The following RGS17 variants were observed in gnomAD, a reference collection of about 807,000 sequenced individuals.
RGS17 encodes the protein regulator of G-protein signaling 17.
A neutral mutation model predicts 25.5 loss-of-function variants in RGS17; 12 were observed. The observed-to-expected ratio is 0.47, with a 90% CI of 0.30 to 0.76. The LOEUF (loss-of-function observed/expected upper bound fraction) is 0.76, where lower values mean the gene tolerates loss of function less well. Ranked by LOEUF, RGS17 falls within the 30% of genes least tolerant of loss-of-function variation. The pLI is 0.07. For missense variants in RGS17, 196 were observed against 242.2 expected (o/e 0.81, Z 1.27); for synonymous variants, 71 against 76.9 (o/e 0.92, Z 0.40).
chr6:153,081,148 T>C (rs955436474), intron 1 of RGS17, among the ~76,000 whole-genome samples: 4 of 152,164 alleles, frequency 2.6e-5, no homozygotes, highest in African/African-American at 9.6e-5. Flanking sequence ...TTCTTTATCC[T>C]TTCTCTAGCC....
At chr6:153,092,436 C>T (rs1027726244) in intron 1 of RGS17, among the ~76,000 whole-genome samples, 5 of 152,280 alleles carry the variant, frequency 3.3e-5, no homozygotes, top group Non-Finnish European at 4.4e-5. Context: ...CTCTAGGAAA[C>T]TACAGTATTT....
intron 1 of RGS17, among the ~76,000 whole-genome samples, chr6:153,055,964 A>G (rs553281045): frequency 6.6e-6 from 1 of 152,346 alleles, no homozygotes; most frequent in East Asian, 1.9e-4. Flanking sequence ...GGATAAATGT[A>G]AGGATATGAA....
intron 2 of RGS17, among the ~76,000 whole-genome samples, chr6:153,036,979 T>A (rs1776252979): frequency 6.6e-6 from 1 of 152,142 alleles, no homozygotes; most frequent in South Asian, 2.1e-4. Flanking sequence ...ACCCTTCAAT[T>A]GCTTCCCATC....
At position 153,053,961 on chromosome 6, in the gene RGS17, T is replaced by TA. The variant is rs1554238185; in HGVS notation, c.-25-9919_-25-9918insT. Among the ~76,000 whole-genome samples, 29 of 28,016 alleles carry TA rather than the reference T, an allele frequency of 1.0e-3. 1 individual carries two copies. Among genetic ancestry groups the TA allele is most frequent in the Non-Finnish European group, 2.0e-3 (22 of 11,040 alleles). 18.4% of individuals were successfully genotyped at this position (28,016 alleles called of 152,430 possible). A position where few individuals can be genotyped will look rare whatever the true frequency, so the allele number is the denominator to read the frequency against. ...TATATATAATATATATACATATATA[T>TA]TATATACATATATATGTATATATGT... is the stretch of plus-strand genomic sequence containing the variant. On this transcript the variant is annotated intron_variant, in intron 1 of 4. Coordinates refer to ENST00000206262, the MANE Select transcript of RGS17 (RefSeq NM_012419.5).
chr6:153,070,755 G>A (rs1776781516), intron 1 of RGS17, among the ~76,000 whole-genome samples: 1 of 150,724 alleles, frequency 6.6e-6, no homozygotes, highest in Non-Finnish European at 1.5e-5. Flanking sequence ...ACGTATATGT[G>A]TGTATGTATA....
chr6:153,011,500 C>T lies in RGS17; in HGVS notation c.*74G>A. The stretch of plus-strand genomic sequence containing the variant: ...ATGCTAAACTGTAGTTCTCCAGGAA[C>T]TCAGTTTCTGATGTTATTTAACTAC... On this transcript the variant is annotated 3_prime_UTR_variant, in exon 5 of 5. Transcript: ENST00000206262. 2.9e-6 allele frequency: 3 copies of T among 1,023,186 alleles called. No homozygotes were observed. Among genetic ancestry groups the T allele is most frequent in the Non-Finnish European group, 4.5e-6 (3 of 674,016 alleles). The allele number at this position is 1,023,186 out of a possible 1,614,324, so 63.4% of individuals were successfully genotyped here.
At chr6:153,056,838 CTGTGTGTGTGTG>C (rs59058708) in intron 1 of RGS17, among the ~76,000 whole-genome samples, 35,002 of 144,324 alleles carry the variant, frequency 0.24, 4,106 homozygotes, top group East Asian at 0.34. Context: ...AGAGGAAGGG[CTGTGTGTGTGTG>C]TGTGTGTGTG....
chr6:153,044,888 G>A (rs1209729169), intron 1 of RGS17, among the ~76,000 whole-genome samples: 1 of 152,076 alleles, frequency 6.6e-6, no homozygotes, highest in African/African-American at 2.4e-5. Context: ...AAAATAAAAA[G>A]TTTTGTCTTT....
intron 3 of RGS17, among the ~76,000 whole-genome samples, chr6:153,025,662 A>G (rs571870346): frequency 0.018 from 2,185 of 119,664 alleles, 48 homozygotes; most frequent in African/African-American, 0.066. Context: ...ATATAAAAAC[A>G]TATATATATA....
At chr6:153,115,095 G>T (rs1241815831) in intron 1 of RGS17, among the ~76,000 whole-genome samples, 4 of 151,856 alleles carry the variant, frequency 2.6e-5, no homozygotes, top group Admixed American at 1.3e-4. Flanking sequence ...CCAGGCAAGA[G>T]AAAAAAAATA....
At chr6:153,048,664 A>C (rs1433441600) in intron 1 of RGS17, among the ~76,000 whole-genome samples, 1 of 152,212 alleles carries the variant, frequency 6.6e-6, no homozygotes, top group East Asian at 1.9e-4. Flanking sequence ...TTACGTGTCA[A>C]GACCTTTGCA....
At chr6:153,094,634 G>A (rs1219459596) in intron 1 of RGS17, among the ~76,000 whole-genome samples, 1 of 152,098 alleles carries the variant, frequency 6.6e-6, no homozygotes, top group Admixed American at 6.5e-5. Flanking sequence ...TTAATTTTTT[G>A]TCAGGCTTTT....
At chr6:153,122,249 G>A (rs1777643366) in intron 1 of RGS17, among the ~76,000 whole-genome samples, 1 of 151,946 alleles carries the variant, frequency 6.6e-6, no homozygotes, top group Non-Finnish European at 1.5e-5. Context: ...ATAAATAAAA[G>A]GGGAAACATA....
intron 1 of RGS17, among the ~76,000 whole-genome samples, chr6:153,076,768 A>G (rs1776886214): frequency 6.6e-6 from 1 of 152,210 alleles, no homozygotes; most frequent in African/African-American, 2.4e-5. Flanking sequence ...ATACAAATTC[A>G]TGTCCATAGT....
intron 1 of RGS17, among the ~76,000 whole-genome samples, chr6:153,083,600 T>A (rs373086416): frequency 1.3e-5 from 2 of 152,148 alleles, no homozygotes; most frequent in East Asian, 1.9e-4. Flanking sequence ...TTTTGGACAA[T>A]ATTTATAGGG....
intron 2 of RGS17, among the ~76,000 whole-genome samples, chr6:153,039,943 C>T (rs1776301474): frequency 6.6e-6 from 1 of 152,200 alleles, no homozygotes; most frequent in African/African-American, 2.4e-5. Context: ...AGGTTACTAT[C>T]TGAAGAAACG....
chr6:153,070,878 T>C (rs1776787188), intron 1 of RGS17, among the ~76,000 whole-genome samples: 2 of 150,046 alleles, frequency 1.3e-5, no homozygotes, highest in Non-Finnish European at 3.0e-5. Flanking sequence ...CATATGCCCA[T>C]ATACGCATAT....
At chr6:153,044,425 T>C (rs1196809836) in intron 1 of RGS17, among the ~76,000 whole-genome samples, 1 of 152,220 alleles carries the variant, frequency 6.6e-6, no homozygotes, top group African/African-American at 2.4e-5. Flanking sequence ...TAACTCGTTT[T>C]TCCACTAATG....
chr6:153,033,553 A>G (rs147515552), intron 2 of RGS17, among the ~76,000 whole-genome samples: 1 of 152,054 alleles, frequency 6.6e-6, no homozygotes, highest in East Asian at 1.9e-4. Flanking sequence ...CCCTGTCTCT[A>G]CTAAAATACA....
Sources: allele counts gnomAD v4.1 joint callset (sites outside exome capture counted in the v4.1 genomes callset), GRCh38; gene constraint gnomAD v4.1.1; transcripts MANE v1.5; gene names NCBI Gene and HGNC (gene_info 2026-07-23, HGNC 2026-07-21).